Variants in TP63 observed in about 807,000 individuals in gnomAD.
TP63 encodes tumor protein 63.
TP63 carries 17 observed loss-of-function variants against 82.8 expected under a neutral mutation model. The observed-to-expected ratio is 0.21, with a 90% CI of 0.14 to 0.31. The LOEUF (loss-of-function observed/expected upper bound fraction) is 0.31. Ranked by LOEUF, TP63 falls within the 10% of genes least tolerant of loss-of-function variation. The probability of loss-of-function intolerance (pLI) is 1.00; values close to 1 mark genes in which losing one functional copy is unlikely to be tolerated. For missense variants in TP63, 648 were observed against 895.3 expected (o/e 0.72, Z 3.52); for synonymous variants, 330 against 321.7 (o/e 1.03, Z -0.28).
intron 4 of TP63, among the ~76,000 whole-genome samples, chr3:189,819,513 C>T (rs1193822279): frequency 6.6e-6 from 1 of 151,814 alleles, no homozygotes; most frequent in Non-Finnish European, 1.5e-5. Flanking sequence ...TCTCATTGTT[C>T]AATTCCTACC....
intron 3 of TP63, 76 bp from the exon 4 acceptor site, chr3:189,808,196 C>A (rs141006314): frequency 0.032 from 51,634 of 1,611,426 alleles, 1,446 homozygotes; most frequent in Admixed American, 0.14. Context: ...AATGCATTCA[C>A]CCATGGATGC....
chr3:189,789,848 G>A (rs1045747102), intron 3 of TP63: 6 of 1,580,864 alleles, frequency 3.8e-6, no homozygotes, highest in Admixed American at 3.6e-5. Flanking sequence ...GTGAGGTAAG[G>A]ATTTTAGATT....
At chr3:189,767,052 A>G (rs1723007384) in intron 3 of TP63, among the ~76,000 whole-genome samples, 1 of 152,196 alleles carries the variant, frequency 6.6e-6, no homozygotes, top group African/African-American at 2.4e-5. Flanking sequence ...AAAATCACGT[A>G]TTTCCACAAA....
chr3:189,868,775 TG>T, intron 8 of TP63, 59 bp downstream of exon 8: 1 of 1,611,668 alleles, frequency 6.2e-7, no homozygotes, highest in Non-Finnish European at 8.5e-7. Context: ...TGTTGGAGAA[TG>T]GGGTGATATT....
intron 1 of TP63, among the ~76,000 whole-genome samples, chr3:189,725,663 G>A (rs1473049684): frequency 6.6e-6 from 1 of 152,222 alleles, no homozygotes; most frequent in Admixed American, 6.5e-5. Flanking sequence ...AGGAAATCCT[G>A]CTTCGGAATG....
At chr3:189,681,414 A>C (rs1715892060) in intron 1 of TP63, among the ~76,000 whole-genome samples, 1 of 152,220 alleles carries the variant, frequency 6.6e-6, no homozygotes. Context: ...AAGTTTATTA[A>C]AATGTCTAAC....
At chr3:189,613,481 G>A in the TP63 span, among the ~76,000 whole-genome samples, 2 of 152,378 alleles carry the variant, frequency 1.3e-5, no homozygotes, top group South Asian at 4.1e-4. Flanking sequence ...TTTGCTGCAT[G>A]AGCAGGGCCC....
chr3:189,787,089 C>T (rs1373184860), intron 3 of TP63, among the ~76,000 whole-genome samples: 4 of 151,954 alleles, frequency 2.6e-5, no homozygotes, highest in Non-Finnish European at 2.9e-5. Flanking sequence ...GAACTATTAG[C>T]GAATTTTTCA....
At chr3:189,758,121 G>T (rs1463628281) in intron 3 of TP63, among the ~76,000 whole-genome samples, 1 of 152,158 alleles carries the variant, frequency 6.6e-6, no homozygotes, top group East Asian at 1.9e-4. Context: ...GTTTGGGAAT[G>T]AAACTGTTCT....
intron 3 of TP63, among the ~76,000 whole-genome samples, chr3:189,761,143 T>C (rs1385233989): frequency 1.3e-5 from 2 of 152,200 alleles, no homozygotes; most frequent in Admixed American, 1.3e-4. Flanking sequence ...GGAAACATTT[T>C]CCCCATTGTC....
At chr3:189,747,392 CAA>C (rs1721462110) in intron 3 of TP63, among the ~76,000 whole-genome samples, 1 of 151,830 alleles carries the variant, frequency 6.6e-6, no homozygotes, top group Non-Finnish European at 1.5e-5. Flanking sequence ...GAAATTACAT[CAA>C]GTTTCTTCAT....
At chr3:189,735,431 T>A (rs1720510304) in intron 1 of TP63, among the ~76,000 whole-genome samples, 1 of 152,188 alleles carries the variant, frequency 6.6e-6, no homozygotes, top group Non-Finnish European at 1.5e-5. Flanking sequence ...GTTTATCATC[T>A]CTCTTTCTTC....
At chr3:189,826,849 T>C (rs1711519494) in intron 4 of TP63, among the ~76,000 whole-genome samples, 2 of 152,224 alleles carry the variant, frequency 1.3e-5, no homozygotes, top group African/African-American at 4.8e-5. Flanking sequence ...AGGTCTCAAA[T>C]GTTAGAGTTC....
At chr3:189,630,296 G>GT (rs1029585432), upstream of TP63, among the ~76,000 whole-genome samples, 12 of 151,798 alleles carry the variant, frequency 7.9e-5, no homozygotes, top group East Asian at 1.4e-3. Context: ...ACACAGAGTG[G>GT]TTTTTTTTCC....
At chr3:189,604,670 C>T in the TP63 span, among the ~76,000 whole-genome samples, 4 of 151,958 alleles carry the variant, frequency 2.6e-5, no homozygotes, top group African/African-American at 7.2e-5. Context: ...TTTAGGTTGC[C>T]GGGAGAGGGG....
At chr3:189,664,468 A>G (rs6774934) in intron 1 of TP63, among the ~76,000 whole-genome samples, 13,891 of 152,204 alleles carry the variant, frequency 0.091, 917 homozygotes, top group East Asian at 0.38. Context: ...GTGATGCAAC[A>G]TGCATTGCAG....
intron 1 of TP63, among the ~76,000 whole-genome samples, chr3:189,679,462 C>T (rs887505364): frequency 2.6e-5 from 4 of 151,954 alleles, no homozygotes; most frequent in Non-Finnish European, 5.9e-5. Flanking sequence ...GTTCTTTGCC[C>T]ATTTTTAAAT....
chr3:189,656,122 T>C (rs1209562460), intron 1 of TP63, among the ~76,000 whole-genome samples: 1 of 152,130 alleles, frequency 6.6e-6, no homozygotes, highest in Non-Finnish European at 1.5e-5. Context: ...TTAATTGGCC[T>C]GAAAGAAAAC....
At chr3:189,679,390 G>A (rs1920243) in intron 1 of TP63, among the ~76,000 whole-genome samples, 67,543 of 151,682 alleles carry the variant, frequency 0.45, 16,136 homozygotes, top group East Asian at 0.59. Flanking sequence ...AGTAATGTTT[G>A]CCATTTTTTT....
Sources: allele counts gnomAD v4.1 joint callset (sites outside exome capture counted in the v4.1 genomes callset), GRCh38; gene constraint gnomAD v4.1.1; transcripts MANE v1.5; gene names NCBI Gene and HGNC (gene_info 2026-07-23, HGNC 2026-07-21).